SECISBP2: variants seen among roughly 807,000 people sequenced by gnomAD.
SECISBP2 encodes SECIS binding protein 2.
SECISBP2 carries 96 observed loss-of-function variants against 98.2 expected under a neutral mutation model. The observed-to-expected ratio is 0.98, with a 90% CI of 0.83 to 1.16. The LOEUF is 1.16. SECISBP2 is among the 50% of genes most tolerant of loss of function. SECISBP2 has a pLI of 0.00. For synonymous variants in SECISBP2, 407 were observed against 370.2 expected (o/e 1.10, Z -1.14); for missense variants, 1,046 against 1,022.9 (o/e 1.02, Z -0.31).
At chr9:89,365,159 C>T in the SECISBP2 span, 1 of 152,378 alleles carries the variant, frequency 6.6e-6, no homozygotes, top group Non-Finnish European at 1.5e-5. Context: ...AGGGGGGCCA[C>T]AGTCCCACTA....
rs186581791 is a variant in SECISBP2, at chr9:89,326,168, G to C, written c.574+130G>C. ...ACTCCAAGAAATGAGACCTGGGTCTGACACAGCTTAGGGCGTCAGACTTCC... is the reference window on the plus strand; with the variant it reads ...ACTCCAAGAAATGAGACCTGGGTCTCACACAGCTTAGGGCGTCAGACTTCC... On this transcript the variant is annotated intron_variant, in intron 4 of 16. Transcript: ENST00000375807. 3.5e-6 allele frequency: 4 copies of C among 1,132,770 alleles called. No homozygotes were observed. The Admixed American group carries it at 7.4e-5, about 21-fold the overall frequency. The allele number at this position is 1,132,770 out of a possible 1,614,324, so 70.2% of individuals were successfully genotyped here.
At chr9:89,344,732 A>G (rs1830183423) in intron 10 of SECISBP2, among the ~76,000 whole-genome samples, 1 of 152,170 alleles carries the variant, frequency 6.6e-6, no homozygotes, top group Non-Finnish European at 1.5e-5. Flanking sequence ...TAGGGATTAC[A>G]ATATACATGT....
intron 10 of SECISBP2, among the ~76,000 whole-genome samples, chr9:89,341,919 G>A (rs993628235): frequency 3.9e-5 from 6 of 152,148 alleles, no homozygotes; most frequent in Non-Finnish European, 8.8e-5. Flanking sequence ...GCACCAAAAA[G>A]ATGGGCAACA....
downstream of SECISBP2, among the ~76,000 whole-genome samples, chr9:89,363,188 G>A (rs1047883317): frequency 4.6e-5 from 7 of 152,310 alleles, no homozygotes; most frequent in South Asian, 2.1e-4. Context: ...TCCCAGTCTC[G>A]CCTCCCTTCA....
the SECISBP2 span, among the ~76,000 whole-genome samples, chr9:89,366,561 C>G: frequency 6.6e-6 from 1 of 152,042 alleles, no homozygotes; most frequent in Non-Finnish European, 1.5e-5. Context: ...TTTTCCCACT[C>G]AAAATGTTTT....
intron 14 of SECISBP2, among the ~76,000 whole-genome samples, chr9:89,356,091 T>G (rs936408907): frequency 1.3e-5 from 2 of 152,212 alleles, no homozygotes; most frequent in Non-Finnish European, 2.9e-5. Flanking sequence ...CTGGGGCCTG[T>G]TAGGAACTGG....
chr9:89,362,490 G>A, downstream of SECISBP2: 3 of 1,613,826 alleles, frequency 1.9e-6, no homozygotes, highest in Non-Finnish European at 2.5e-6. Context: ...CTGCTCTGCA[G>A]CCCAGTCTGT....
downstream of SECISBP2, chr9:89,363,315 A>G: frequency 6.8e-7 from 1 of 1,462,396 alleles, no homozygotes; most frequent in Non-Finnish European, 9.1e-7. Flanking sequence ...TCCGGGGCTA[A>G]GAGGGAACAA....
chr9:89,357,194 TAAGAC>T, intron 14 of SECISBP2: 1 of 603,060 alleles, frequency 1.7e-6, no homozygotes, highest in South Asian at 1.9e-5. Flanking sequence ...CTTTTCCTGT[TAAGAC>T]AATACCAGCT....
downstream of SECISBP2, chr9:89,363,416 C>T: frequency 6.2e-7 from 1 of 1,610,426 alleles, no homozygotes; most frequent in Non-Finnish European, 8.5e-7. Context: ...CTTTGCCCGG[C>T]TGCGGCCACT....
chr9:89,346,899 C>T lies in SECISBP2; in HGVS notation c.1453C>T (p.Leu485Phe). 8 of 1,614,126 alleles carry T rather than the reference C, an allele frequency of 5.0e-6. No individual in the cohort carries two copies. Among genetic ancestry groups the T allele is most frequent in the Non-Finnish European group, 6.8e-6 (8 of 1,180,014 alleles). The change falls in exon 11 of 17, where the codon CTT becomes TTT. Residue 485 changes from leucine to phenylalanine, a missense_variant. Physicochemically the swap from Leu to Phe is conservative, Grantham distance 22 (BLOSUM62 0). Transcript: ENST00000375807. The stretch of plus-strand genomic sequence containing the variant: ...CGTTTCAGTTGGAGCAGTGCCAGTC[C>T]TTTCCAAAGAATGTGCATCAGGGGA... Reference protein sequence around the residue: ...VVVSVGAVPVLSKECASGERG... With the variant: ...VVVSVGAVPVFSKECASGERG...
intron 4 of SECISBP2, among the ~76,000 whole-genome samples, chr9:89,327,959 C>T (rs1827057875): frequency 6.6e-6 from 1 of 152,108 alleles, no homozygotes; most frequent in Admixed American, 6.5e-5. Flanking sequence ...GCATGCGCCC[C>T]CACACCCAGC....
rs372524954 is a variant in SECISBP2, at chr9:89,358,701, G to A, written c.2462-20G>A. 5.3e-6 allele frequency: 8 copies of A among 1,523,548 alleles called. No homozygotes were observed. In the African/African-American group the frequency reaches 6.9e-5, roughly 13 times the overall value. The allele number at this position is 1,523,548 out of a possible 1,614,324, so 94.4% of individuals were successfully genotyped here. Reference sequence around the variant, plus strand: ...ACTTGTTGATGCCTATTCCTCACTCGTGCTGTTTTCTCATTTTAGTTGAAA... The same window carrying A: ...ACTTGTTGATGCCTATTCCTCACTCATGCTGTTTTCTCATTTTAGTTGAAA... On this transcript the variant is annotated intron_variant, in intron 16 of 16. Coordinates refer to ENST00000375807, the MANE Select transcript of SECISBP2 (RefSeq NM_024077.5).
At chr9:89,354,886 T>C in intron 14 of SECISBP2, 1 of 985,402 alleles carries the variant, frequency 1.0e-6, no homozygotes, top group Non-Finnish European at 1.2e-6. Context: ...CCTGACAAAC[T>C]GAATATAGAT....
intron 8 of SECISBP2, among the ~76,000 whole-genome samples, chr9:89,339,516 A>T (rs1313054796): frequency 6.6e-6 from 1 of 152,182 alleles, no homozygotes; most frequent in Non-Finnish European, 1.5e-5. Flanking sequence ...ATAACATGTA[A>T]ATCTACTGAA....
Position 89,334,566 on chromosome 9 carries a change from T to C in SECISBP2, c.925T>C (p.Ser309Pro). 1 of 1,614,214 alleles carries C rather than the reference T, an allele frequency of 6.2e-7. No individual in the cohort carries two copies. Among genetic ancestry groups the C allele is most frequent in the Non-Finnish European group, 8.5e-7 (1 of 1,180,042 alleles). ...PMGYVVRQTL[S>P]TELSAAPKNV... ...GGGTTATGTTGTTCGACAGACATTATCTACAGAACTGTCAGCAGCCCCTAA... is the reference window on the plus strand; with the variant it reads ...GGGTTATGTTGTTCGACAGACATTACCTACAGAACTGTCAGCAGCCCCTAA... The change falls in exon 7 of 17, where the codon TCT (serine) becomes CCT (proline). Residue 309 changes from serine to proline, a missense_variant. Coordinates refer to ENST00000375807, the MANE Select transcript of SECISBP2 (RefSeq NM_024077.5).
chr9:89,349,351 G>A (rs1830914705), intron 12 of SECISBP2, among the ~76,000 whole-genome samples: 1 of 152,094 alleles, frequency 6.6e-6, no homozygotes, highest in Non-Finnish European at 1.5e-5. Context: ...TCTTTCTAAA[G>A]GATTATTTCA....
At chr9:89,318,958 C>T (rs1587826645) in intron 1 of SECISBP2, 2 of 1,132,600 alleles carry the variant, frequency 1.8e-6, no homozygotes, top group Non-Finnish European at 2.2e-6. Flanking sequence ...TTTAAAGGAT[C>T]CTGCGTTTTT....
At position 89,338,553 on chromosome 9, in the gene SECISBP2, G is replaced by T; in HGVS notation, c.1185G>T (p.Leu395=). ...KEKSTSKYEV[L]TVQEPPRIED... The stretch of plus-strand genomic sequence containing the variant: ...AATCTACATCAAAATATGAAGTCCT[G>T]ACAGTTCAAGAGCCTCCAAGGATTG... The change falls in exon 8 of 17, where the codon CTG becomes CTT. Residue 395 remains leucine (L), a synonymous_variant. Transcript: ENST00000375807. 1 of 1,612,786 alleles carries T rather than the reference G, an allele frequency of 6.2e-7. No homozygotes were observed. The highest frequency in any genetic ancestry group is 8.5e-7 in the Non-Finnish European group (1 of 1,179,642).
Sources: allele counts gnomAD v4.1 joint callset (sites outside exome capture counted in the v4.1 genomes callset), GRCh38; gene constraint gnomAD v4.1.1; transcripts MANE v1.5; gene names NCBI Gene and HGNC (gene_info 2026-07-23, HGNC 2026-07-21).